Variants in IQCM observed in about 807,000 individuals in gnomAD.
IQCM encodes the protein IQ motif containing M.
Under a neutral mutation model 57.6 loss-of-function variants are expected in IQCM, and 45 were observed. That is an observed-to-expected ratio of 0.78 (90% CI 0.62 to 1.00). The LOEUF is 1.00. Ranked by LOEUF, IQCM falls within the 50% of genes least tolerant of loss-of-function variation. The pLI is 0.00. For synonymous variants in IQCM, 148 were observed against 158.9 expected, an observed-to-expected ratio of 0.93 and a Z score of 0.51; for missense variants, 468 against 511.6, an observed-to-expected ratio of 0.91 and a Z score of 0.82.
Position 149,618,967 on chromosome 4 carries a change from A to G in IQCM, c.681+2162T>C, listed in dbSNP as rs79097068. Among the ~76,000 whole-genome samples the G allele has an allele frequency of 6.3e-3, 957 of 152,206 alleles. 13 individuals are homozygous for G. Among genetic ancestry groups the G allele is most frequent in the African/African-American group, 0.022 (910 of 41,532 alleles). On this transcript the variant is annotated intron_variant, in intron 8 of 13. Transcript: ENST00000636793. The stretch of plus-strand genomic sequence containing the variant: ...GAACTAACTTCAGTTCAGCAATTCA[A>G]CTACTGGGTATTTACCCAAACAAAT...
chr4:149,620,377 G>A (rs1254822692), intron 8 of IQCM, among the ~76,000 whole-genome samples: 1 of 149,734 alleles, frequency 6.7e-6, no homozygotes, highest in Admixed American at 6.6e-5. Flanking sequence ...GCAAGTCCAG[G>A]AAAAAAAAAT....
At chr4:149,477,562 G>A (rs985265220) in intron 12 of IQCM, among the ~76,000 whole-genome samples, 1 of 152,128 alleles carries the variant, frequency 6.6e-6, no homozygotes, top group African/African-American at 2.4e-5. Flanking sequence ...TGTCCGGTGG[G>A]GGCTGGAAGA....
intron 13 of IQCM, among the ~76,000 whole-genome samples, chr4:149,354,922 G>A (rs1185994640): frequency 6.6e-6 from 1 of 152,114 alleles, no homozygotes; most frequent in African/African-American, 2.4e-5. Context: ...TGGGGTGCAG[G>A]TGTGAGAGTA....
chr4:149,781,404 T>A (rs1771592257), intron 2 of IQCM, among the ~76,000 whole-genome samples: 1 of 152,184 alleles, frequency 6.6e-6, no homozygotes, highest in Admixed American at 6.5e-5. Flanking sequence ...TTGTCCAGCA[T>A]ATATATGCTA....
At chr4:149,645,546 T>C (rs1220657078) in intron 7 of IQCM, among the ~76,000 whole-genome samples, 7 of 152,206 alleles carry the variant, frequency 4.6e-5, no homozygotes, top group African/African-American at 1.4e-4. Flanking sequence ...ATGCTCCCCT[T>C]AAATCAGTAC....
chr4:149,559,067 G>A (rs576564289), intron 10 of IQCM, among the ~76,000 whole-genome samples: 3 of 152,010 alleles, frequency 2.0e-5, no homozygotes, highest in African/African-American at 7.2e-5. Context: ...CAAGAACCTG[G>A]GAATCATTCT....
At chr4:149,684,745 C>T (rs1165929443) in intron 6 of IQCM, among the ~76,000 whole-genome samples, 1 of 151,438 alleles carries the variant, frequency 6.6e-6, no homozygotes, top group Non-Finnish European at 1.5e-5. Context: ...TCCTTAGTCA[C>T]CACGTCCCAA....
chr4:149,395,943 C>A (rs1303243297), intron 13 of IQCM, among the ~76,000 whole-genome samples: 1 of 151,920 alleles, frequency 6.6e-6, no homozygotes, highest in East Asian at 1.9e-4. Flanking sequence ...GAATTTAATT[C>A]TCCCTGCTAG....
intron 12 of IQCM, chr4:149,514,644 T>A (rs989500267): frequency 6.6e-6 from 1 of 152,224 alleles, no homozygotes; most frequent in African/African-American, 2.4e-5. Flanking sequence ...TGTTTTTCAG[T>A]CTGTTAATGT....
At chr4:149,489,439 G>T (rs1444196147) in intron 12 of IQCM, among the ~76,000 whole-genome samples, 1 of 151,974 alleles carries the variant, frequency 6.6e-6, no homozygotes, top group Non-Finnish European at 1.5e-5. Flanking sequence ...ATTCAGTGAG[G>T]TATAGAAACT....
intron 7 of IQCM, among the ~76,000 whole-genome samples, chr4:149,635,555 A>C (rs531781206): frequency 6.6e-5 from 10 of 152,360 alleles, no homozygotes; most frequent in South Asian, 4.1e-4. Context: ...TAGAATAAAA[A>C]TTCATTTCAA....
chr4:149,653,425 C>G (rs2150138252), intron 7 of IQCM, among the ~76,000 whole-genome samples: 1 of 152,216 alleles, frequency 6.6e-6, no homozygotes, highest in South Asian at 2.1e-4. Flanking sequence ...ATGAAGCCAA[C>G]CTCTCTTTCT....
intron 12 of IQCM, among the ~76,000 whole-genome samples, chr4:149,439,143 C>T (rs1735657387): frequency 6.6e-6 from 1 of 151,856 alleles, no homozygotes; most frequent in Non-Finnish European, 1.5e-5. Flanking sequence ...TGATACATAC[C>T]TTTATAAATC....
intron 12 of IQCM, among the ~76,000 whole-genome samples, chr4:149,445,994 T>C (rs1736464113): frequency 6.6e-6 from 1 of 151,740 alleles, no homozygotes; most frequent in African/African-American, 2.4e-5. Flanking sequence ...TACTTCTCAA[T>C]TGTGTAGCAT....
At chr4:149,676,736 C>T (rs369545153) in intron 7 of IQCM, among the ~76,000 whole-genome samples, 19 of 152,100 alleles carry the variant, frequency 1.2e-4, no homozygotes, top group South Asian at 1.2e-3. Flanking sequence ...TTTAAGCAAA[C>T]GGATAGAAAT....
chr4:149,559,419 T>C (rs1749908630), intron 10 of IQCM, among the ~76,000 whole-genome samples: 1 of 152,142 alleles, frequency 6.6e-6, no homozygotes, highest in Non-Finnish European at 1.5e-5. Flanking sequence ...TAAATGTAAA[T>C]AGCTCACCTA....
intron 2 of IQCM, among the ~76,000 whole-genome samples, chr4:149,802,972 T>A (rs984607467): frequency 1.3e-5 from 2 of 151,946 alleles, no homozygotes; most frequent in Non-Finnish European, 2.9e-5. Flanking sequence ...ATATATATGA[T>A]CTCATTTCAT....
intron 11 of IQCM, among the ~76,000 whole-genome samples, chr4:149,551,226 T>TTG (rs1479684721): frequency 2.6e-5 from 4 of 152,350 alleles, no homozygotes; most frequent in African/African-American, 9.6e-5. Flanking sequence ...GCCTTTGTGC[T>TTG]TGCTGCTCCC....
chr4:149,634,786 A>G (rs556118797), intron 7 of IQCM, among the ~76,000 whole-genome samples: 1 of 152,330 alleles, frequency 6.6e-6, no homozygotes, highest in African/African-American at 2.4e-5. Flanking sequence ...TGTTAATTTT[A>G]GGTGATGTAT....
Sources: gnomAD v4.1 joint callset for allele counts (sites outside exome capture counted in the v4.1 genomes callset) on GRCh38, gnomAD v4.1.1 for gene constraint, MANE v1.5 for transcripts, NCBI Gene and HGNC (gene_info 2026-07-23, HGNC 2026-07-21) for gene names.